Variants in UGT1A8 observed in about 807,000 individuals in gnomAD.
UGT1A8 encodes UDP-glucuronosyltransferase 1A8.
A neutral mutation model predicts 45.3 loss-of-function variants in UGT1A8; 39 were observed. The ratio of observed to expected loss-of-function variants is 0.86; its 90% CI spans 0.67 to 1.12. The LOEUF (loss-of-function observed/expected upper bound fraction) is 1.12. Among genes scored for constraint, UGT1A8 ranks in the 50% most tolerant of loss-of-function variants. UGT1A8 has a pLI of 0.00. For missense variants in UGT1A8, 719 were observed against 664.9 expected (o/e 1.08, Z -0.90); for synonymous variants, 275 against 249.2 (o/e 1.10, Z -0.97).
intron 2 of UGT1A8, 69 bp from the exon 3 acceptor site, chr2:233,767,780 G>A (rs1699481282): frequency 1.9e-6 from 3 of 1,613,138 alleles, no homozygotes; most frequent in Non-Finnish European, 2.5e-6. Flanking sequence ...TTTCTAGTTA[G>A]TATAGCAGAT....
intron 1 of UGT1A8, chr2:233,713,735 T>C: frequency 6.2e-7 from 1 of 1,613,944 alleles, no homozygotes; most frequent in African/African-American, 1.3e-5. Context: ...TGGTGGATCT[T>C]GTCAGCCATG....
At chr2:233,764,663 C>T (rs4148325) in intron 1 of UGT1A8, among the ~76,000 whole-genome samples, 54,844 of 151,792 alleles carry the variant, frequency 0.36, 10,318 homozygotes, top group African/African-American at 0.45. Flanking sequence ...CATTTACCAA[C>T]GCTCAGAAGA....
At chr2:233,702,817 T>C (rs933179108) in intron 1 of UGT1A8, among the ~76,000 whole-genome samples, 1 of 152,218 alleles carries the variant, frequency 6.6e-6, no homozygotes, top group Non-Finnish European at 1.5e-5. Context: ...TCCCACTTGA[T>C]TGTGTTGTAT....
At chr2:233,632,406 A>G (rs1334255160) in intron 1 of UGT1A8, among the ~76,000 whole-genome samples, 3 of 152,158 alleles carry the variant, frequency 2.0e-5, no homozygotes, top group Admixed American at 1.3e-4. Context: ...ATAGCATTCA[A>G]TCTATAAATT....
chr2:233,729,640 T>C, intron 1 of UGT1A8: 1 of 1,613,966 alleles, frequency 6.2e-7, no homozygotes, highest in East Asian at 2.2e-5. Flanking sequence ...TACTGTGTTT[T>C]TTTTGAGGAA....
chr2:233,684,980 T>C (rs1041561505), intron 1 of UGT1A8, among the ~76,000 whole-genome samples: 8 of 152,200 alleles, frequency 5.3e-5, no homozygotes, highest in Non-Finnish European at 1.2e-4. Flanking sequence ...TGCTTGATGA[T>C]GCAGTGTGTG....
intron 1 of UGT1A8, among the ~76,000 whole-genome samples, chr2:233,625,931 A>T (rs2073077684): frequency 1.3e-5 from 2 of 152,000 alleles, no homozygotes; most frequent in African/African-American, 2.4e-5. Flanking sequence ...AATCTAAAAT[A>T]AAAGTTGAGT....
At chr2:233,671,894 G>A in intron 1 of UGT1A8, 1 of 1,569,042 alleles carries the variant, frequency 6.4e-7, no homozygotes, top group Non-Finnish European at 8.6e-7. Context: ...TATCATAGGA[G>A]CTTAGATTCC....
At position 233,772,593 on chromosome 2, in the gene UGT1A8, C is replaced by G; in HGVS notation, c.*34C>G. On this transcript the variant is annotated 3_prime_UTR_variant, in exon 5 of 5. Transcript: ENST00000373450. The stretch of plus-strand genomic sequence containing the variant: ...TGGGAAATAAGGTAAAATTTTGAAC[C>G]ATTCCCTAGTCATTTCCAAACTTGA... The G allele has an allele frequency of 6.3e-7, 1 of 1,598,604 alleles. No individual in the cohort carries two copies. The highest frequency in any genetic ancestry group is 8.5e-7 in the Non-Finnish European group (1 of 1,171,794).
intron 3 of UGT1A8, 94 bp from the exon 4 acceptor site, chr2:233,768,126 C>T: frequency 6.2e-7 from 1 of 1,604,728 alleles, no homozygotes; most frequent in Non-Finnish European, 8.5e-7. Flanking sequence ...ATGTGAGTAA[C>T]ACTGAGTCTT....
At chr2:233,748,132 A>G (rs1234093790) in intron 1 of UGT1A8, 8 of 1,610,034 alleles carry the variant, frequency 5.0e-6, no homozygotes, top group Non-Finnish European at 6.8e-6. Context: ...CAGTTTTTAA[A>G]AATTGTATTT....
chr2:233,618,619 A>G (rs1348489682), intron 1 of UGT1A8, 57 bp downstream of exon 1: 1 of 1,544,024 alleles, frequency 6.5e-7, no homozygotes, highest in Non-Finnish European at 8.7e-7. Context: ...AATTAAAAAA[A>G]GATTCCTTAC....
chr2:233,672,854 T>C lies in UGT1A8; in HGVS notation c.855+54292T>C. On this transcript the variant is annotated intron_variant, in intron 1 of 4. Coordinates refer to ENST00000373450, the MANE Select transcript of UGT1A8 (RefSeq NM_019076.5). ...CTTTGGAAATTAAAAAAGGATTCTTTACTGAACTGTGATTTGACATTTTCA... is the reference window on the plus strand; with the variant it reads ...CTTTGGAAATTAAAAAAGGATTCTTCACTGAACTGTGATTTGACATTTTCA... 5 of 1,537,488 alleles carry C rather than the reference T, an allele frequency of 3.3e-6. No individual in the cohort carries two copies. The South Asian group carries it at 5.2e-5, about 16-fold the overall frequency.
At chr2:233,684,726 TAGAAA>T (rs2074696062) in intron 1 of UGT1A8, among the ~76,000 whole-genome samples, 1 of 151,954 alleles carries the variant, frequency 6.6e-6, no homozygotes, top group East Asian at 1.9e-4. Flanking sequence ...TATTTATAAA[TAGAAA>T]ATAAATATAA....
chr2:233,622,359 C>T (rs904941191), intron 1 of UGT1A8, among the ~76,000 whole-genome samples: 24 of 152,212 alleles, frequency 1.6e-4, no homozygotes, highest in African/African-American at 5.1e-4. Flanking sequence ...AGGGTAAAAG[C>T]GTTCCTATTT....
At chr2:233,672,140 C>T (rs2074212137) in intron 1 of UGT1A8, 1 of 1,614,186 alleles carries the variant, frequency 6.2e-7, no homozygotes, top group African/African-American at 1.3e-5. Context: ...CTGGGAAGAT[C>T]ACTGAATTGC....
At chr2:233,730,142 AC>A in intron 1 of UGT1A8, 1 of 1,517,928 alleles carries the variant, frequency 6.6e-7, no homozygotes, top group East Asian at 2.4e-5. Context: ...AGTGAGATAA[AC>A]TGTTAAGGGG....
intron 1 of UGT1A8, chr2:233,671,836 G>T (rs187589331): frequency 1.4e-6 from 2 of 1,461,210 alleles, no homozygotes; most frequent in Admixed American, 2.6e-5. Flanking sequence ...ATAAAAACAC[G>T]CCCTCTATTG....
chr2:233,661,150 T>C lies in UGT1A8; in HGVS notation c.855+42588T>C, dbSNP rs2073955516. On this transcript the variant is annotated intron_variant, in intron 1 of 4. Coordinates refer to ENST00000373450, the MANE Select transcript of UGT1A8 (RefSeq NM_019076.5). ...TTTGACAAATTATCTATGGATGTAA[T>C]GACTCTAGTTTCAGACTTTTTTTTT... Among the ~76,000 whole-genome samples the C allele has an allele frequency of 2.0e-5, 3 of 148,450 alleles. No individual in the cohort carries two copies. The Admixed American group carries it at 2.0e-4, about 10-fold the overall frequency.
Sources: allele counts gnomAD v4.1 joint callset (sites outside exome capture counted in the v4.1 genomes callset), GRCh38; gene constraint gnomAD v4.1.1; transcripts MANE v1.5; gene names NCBI Gene and HGNC (gene_info 2026-07-23, HGNC 2026-07-21).